Variants in SNX18 observed in about 807,000 individuals in gnomAD.
SNX18 encodes the protein sorting nexin-18.
SNX18 carries 35 observed loss-of-function variants against 48.7 expected under a neutral mutation model. That is an observed-to-expected ratio of 0.72 (90% CI 0.55 to 0.95). The LOEUF (loss-of-function observed/expected upper bound fraction) is 0.95. SNX18 is among the 40% of genes least tolerant of loss of function. The probability of loss-of-function intolerance (pLI) is 0.00; values close to 1 mark genes in which losing one functional copy is unlikely to be tolerated. For missense variants in SNX18, 824 were observed against 871.0 expected, an observed-to-expected ratio of 0.95 and a Z score of 0.68; for synonymous variants, 492 against 384.7, an observed-to-expected ratio of 1.28 and a Z score of -3.26.
chr5:54,592,146 T>C, the SNX18 span, among the ~76,000 whole-genome samples: 2 of 152,182 alleles, frequency 1.3e-5, no homozygotes, highest in Admixed American at 6.5e-5. Context: ...GGGGAGCTAT[T>C]GCTTTTCTTC....
chr5:54,524,215 C>T (rs1762084797), intron 1 of SNX18, among the ~76,000 whole-genome samples: 1 of 152,178 alleles, frequency 6.6e-6, no homozygotes, highest in African/African-American at 2.4e-5. Flanking sequence ...GACTCAGTTC[C>T]TTGGTTAAAA....
At chr5:54,555,826 CAA>C in the SNX18 span, among the ~76,000 whole-genome samples, 21 of 84,922 alleles carry the variant, frequency 2.5e-4, no homozygotes, top group Admixed American at 3.8e-4. Flanking sequence ...GACCTTGTCT[CAA>C]AAAAAAAAAA....
chr5:54,576,841 G>A, the SNX18 span, among the ~76,000 whole-genome samples: 3 of 152,198 alleles, frequency 2.0e-5, no homozygotes, highest in South Asian at 2.1e-4. Flanking sequence ...TCACTCTGTC[G>A]CCCAGCCTGG....
the SNX18 span, among the ~76,000 whole-genome samples, chr5:54,583,750 C>T: frequency 1.3e-5 from 2 of 152,192 alleles, no homozygotes; most frequent in Non-Finnish European, 2.9e-5. Flanking sequence ...TGTAATTTTC[C>T]CAGATTAGGA....
chr5:54,615,573 A>T, the SNX18 span, among the ~76,000 whole-genome samples: 3 of 152,248 alleles, frequency 2.0e-5, no homozygotes, highest in African/African-American at 7.2e-5. Flanking sequence ...TTTGCATTGT[A>T]TCACAATGTG....
At chr5:54,602,983 C>A in the SNX18 span, among the ~76,000 whole-genome samples, 1 of 152,150 alleles carries the variant, frequency 6.6e-6, no homozygotes, top group Admixed American at 6.5e-5. Flanking sequence ...CCTGCTCATA[C>A]CTGACAAGCT....
chr5:54,526,960 G>A (rs1256387497), intron 1 of SNX18, among the ~76,000 whole-genome samples: 1 of 151,966 alleles, frequency 6.6e-6, no homozygotes, highest in Non-Finnish European at 1.5e-5. Context: ...AGGTATCTCG[G>A]GGGAGAGCTT....
At chr5:54,575,080 G>A in the SNX18 span, among the ~76,000 whole-genome samples, 1 of 152,160 alleles carries the variant, frequency 6.6e-6, no homozygotes, top group African/African-American at 2.4e-5. Flanking sequence ...AGAATATGGA[G>A]GAACAGATGC....
chr5:54,576,826 G>C, the SNX18 span, among the ~76,000 whole-genome samples: 1 of 152,044 alleles, frequency 6.6e-6, no homozygotes, highest in Non-Finnish European at 1.5e-5. Context: ...TTTTGGAACA[G>C]AGTCTCACTC....
chr5:54,639,489 A>G, the SNX18 span, among the ~76,000 whole-genome samples: 130 of 152,340 alleles, frequency 8.5e-4, 2 homozygotes, highest in East Asian at 0.018. Context: ...AAATAATATT[A>G]TCTAATATTT....
At position 54,518,133 on chromosome 5, in the gene SNX18, G is replaced by A. The variant is rs1228693575; in HGVS notation, c.181G>A (p.Ala61Thr). Residue 61 changes from alanine to threonine, a missense_variant, in exon 1 of 2, where the codon GCC becomes ACC. Physicochemically the swap from Ala to Thr is moderately conservative, Grantham distance 58. Coordinates refer to ENST00000381410, the MANE Select transcript of SNX18 (RefSeq NM_001102575.2). ...FPASYVQVIR[A>T]PEPGPAGDGG... is the part of the protein sequence containing the mutation. Reference sequence around the variant, plus strand: ...GGCCTCCTATGTGCAGGTGATCCGCGCCCCCGAGCCTGGCCCGGCGGGAGA... The same window carrying A: ...GGCCTCCTATGTGCAGGTGATCCGCACCCCCGAGCCTGGCCCGGCGGGAGA... 5 of 1,431,112 alleles carry A rather than the reference G, an allele frequency of 3.5e-6. No individual in the cohort carries two copies. The highest frequency in any genetic ancestry group is 1.9e-4 in the Middle Eastern group (1 of 5,260). The allele number at this position is 1,431,112 out of a possible 1,614,324, so 88.7% of individuals were successfully genotyped here. A position where few individuals can be genotyped will look rare whatever the true frequency, so the allele number is the denominator to read the frequency against.
At chr5:54,590,280 T>G in the SNX18 span, among the ~76,000 whole-genome samples, 4 of 152,366 alleles carry the variant, frequency 2.6e-5, no homozygotes, top group South Asian at 8.3e-4. Context: ...TGTCAGCTTC[T>G]GTGAGGAGTT....
At chr5:54,595,995 G>T in the SNX18 span, among the ~76,000 whole-genome samples, 1 of 151,984 alleles carries the variant, frequency 6.6e-6, no homozygotes, top group Admixed American at 6.6e-5. Flanking sequence ...GGATCCCTCT[G>T]GCCCTTTCCT....
At chr5:54,614,352 T>G in the SNX18 span, among the ~76,000 whole-genome samples, 8 of 152,186 alleles carry the variant, frequency 5.3e-5, no homozygotes, top group African/African-American at 1.7e-4. Flanking sequence ...TTTATTAGGC[T>G]CAGAAGCCTC....
chr5:54,636,378 T>A, the SNX18 span, among the ~76,000 whole-genome samples: 37 of 151,106 alleles, frequency 2.4e-4, no homozygotes, highest in African/African-American at 8.5e-4. Context: ...CTTTTTTTTT[T>A]ATCTCTGGAG....
chr5:54,519,302 C>T lies in SNX18; in HGVS notation c.1350C>T (p.Asn450=), dbSNP rs369102206. 7.7e-5 allele frequency: 124 copies of T among 1,613,860 alleles called. No individual in the cohort carries two copies. Among genetic ancestry groups the T allele is most frequent in the Non-Finnish European group, 9.9e-5 (117 of 1,179,992 alleles). ...DSALQLNHTA[N]EFARKQVTGF... Reference sequence around the variant, plus strand: ...CGCTGCAGCTCAACCACACGGCCAACGAGTTCGCGCGCAAGCAGGTGACCG... The same window carrying T: ...CGCTGCAGCTCAACCACACGGCCAATGAGTTCGCGCGCAAGCAGGTGACCG... Residue 450 remains asparagine, a synonymous_variant, in exon 1 of 2, where the codon AAC becomes AAT. Transcript: ENST00000381410.
intron 1 of SNX18, chr5:54,519,801 G>A: frequency 6.2e-7 from 1 of 1,612,724 alleles, no homozygotes; most frequent in Non-Finnish European, 8.5e-7. Context: ...TTTCTCGAAG[G>A]TTCAAAGAGT....
the SNX18 span, among the ~76,000 whole-genome samples, chr5:54,579,653 G>C: frequency 9.1e-3 from 1,383 of 152,274 alleles, 24 homozygotes; most frequent in African/African-American, 0.032. Context: ...AATACAGAGA[G>C]AAGTACACAT....
At chr5:54,569,405 T>C in the SNX18 span, among the ~76,000 whole-genome samples, 1 of 152,176 alleles carries the variant, frequency 6.6e-6, no homozygotes, top group Non-Finnish European at 1.5e-5. Flanking sequence ...CAACCTAAAA[T>C]GTAGAGCTAT....
Sources: gnomAD v4.1 joint callset for allele counts (sites outside exome capture counted in the v4.1 genomes callset) on GRCh38, gnomAD v4.1.1 for gene constraint, MANE v1.5 for transcripts, NCBI Gene and HGNC (gene_info 2026-07-23, HGNC 2026-07-21) for gene names.